Variants in TXLNA observed in about 807,000 individuals in gnomAD.
TXLNA encodes the protein alpha-taxilin.
A neutral mutation model predicts 61.4 loss-of-function variants in TXLNA; 9 were observed. That is an observed-to-expected ratio of 0.15 (90% CI 0.09 to 0.26). TXLNA has a LOEUF of 0.26. Among genes scored for constraint, TXLNA ranks in the 10% least tolerant of loss-of-function variants. TXLNA has a pLI of 1.00. For missense variants in TXLNA, 565 were observed against 688.8 expected (o/e 0.82, Z 2.01); for synonymous variants, 257 against 267.7 (o/e 0.96, Z 0.39).
At chr1:32,193,435 C>G in intron 9 of TXLNA, 135 bp downstream of exon 9, 1 of 680,264 alleles carries the variant, frequency 1.5e-6, no homozygotes, top group Non-Finnish European at 2.7e-6. Flanking sequence ...CAGCCTTTCC[C>G]CTCTTGAGGC....
At chr1:32,186,032 A>T (rs1421825512) in intron 4 of TXLNA, among the ~76,000 whole-genome samples, 1 of 152,192 alleles carries the variant, frequency 6.6e-6, no homozygotes, top group Non-Finnish European at 1.5e-5. Context: ...TTCATTCCAC[A>T]CACATTTATT....
intron 4 of TXLNA, among the ~76,000 whole-genome samples, chr1:32,187,379 A>T (rs1002422914): frequency 6.6e-6 from 1 of 152,148 alleles, no homozygotes; most frequent in Non-Finnish European, 1.5e-5. Context: ...GGATAGGGTC[A>T]TGGGAGGGGA....
Position 32,195,768 on chromosome 1 carries a change from A to T in TXLNA, c.*573A>T, listed in dbSNP as rs1240016787. On this transcript the variant is annotated 3_prime_UTR_variant, in exon 11 of 11. Transcript: ENST00000373610. ...GGGGATTTCCTGCCTGGAACAAGGG[A>T]CCTGGAGAATGTTTTTGCGTGGGAT... 2.2e-6 allele frequency: 1 copy of T among 456,060 alleles called. No homozygotes were observed. Among genetic ancestry groups the T allele is most frequent in the Non-Finnish European group, 4.4e-6 (1 of 226,958 alleles). 28.3% of individuals were successfully genotyped at this position (456,060 alleles called of 1,614,324 possible).
chr1:32,191,780 C>T (rs1210681698), intron 6 of TXLNA, among the ~76,000 whole-genome samples: 1 of 152,226 alleles, frequency 6.6e-6, no homozygotes, highest in African/African-American at 2.4e-5. Context: ...TGAAGTAGCA[C>T]CTGAGTCCTT....
chr1:32,193,348 C>A, intron 9 of TXLNA, 48 bp downstream of exon 9: 1 of 1,454,760 alleles, frequency 6.9e-7, no homozygotes. Flanking sequence ...TAAGCTGCTT[C>A]ATTCAAAATT....
At position 32,192,248 on chromosome 1, in the gene TXLNA, G is replaced by A. The variant is rs1642922302; in HGVS notation, c.964-63G>A. ...GGGCAAAGTGCCCTGGTCTGTGGCT[G>A]TGGGGCTACCCTGAGAAAGGGAGCG... On this transcript the variant is annotated intron_variant, in intron 6 of 10. Coordinates refer to ENST00000373610, the MANE Select transcript of TXLNA (RefSeq NM_175852.4). This position sits in a 1 kb window ranked among gnomAD's most constrained non-coding sequence, Gnocchi z 4.2. The A allele has an allele frequency of 3.8e-6, 6 of 1,595,646 alleles. No homozygotes were observed. The highest frequency in any genetic ancestry group is 1.1e-5 in the South Asian group (1 of 89,238).
chr1:32,191,639 G>T (rs944755985), intron 6 of TXLNA, among the ~76,000 whole-genome samples: 2 of 152,138 alleles, frequency 1.3e-5, no homozygotes, highest in Admixed American at 1.3e-4. Flanking sequence ...TGCATTTACA[G>T]CCCTCCCCAG....
At chr1:32,193,373 C>A in intron 9 of TXLNA, 73 bp downstream of exon 9, 2 of 1,156,902 alleles carry the variant, frequency 1.7e-6, no homozygotes, top group Non-Finnish European at 2.6e-6. Flanking sequence ...GGCCTGCCTT[C>A]AGGAAGCTCC....
At chr1:32,190,568 G>A (rs1203144105) in intron 6 of TXLNA, among the ~76,000 whole-genome samples, 3 of 152,166 alleles carry the variant, frequency 2.0e-5, no homozygotes, top group Non-Finnish European at 2.9e-5. Context: ...CCTCAGCAGG[G>A]CCTTGGGGAA....
At chr1:32,180,166 C>T (rs1642621773) in intron 1 of TXLNA, 148 bp from the exon 2 acceptor site, 1 of 803,236 alleles carries the variant, frequency 1.2e-6, no homozygotes, top group Non-Finnish European at 1.9e-6. Flanking sequence ...TCCTGACCCG[C>T]CAAGACCAGA....
At chr1:32,189,478 C>T (rs575172620) in intron 5 of TXLNA, among the ~76,000 whole-genome samples, 31 of 151,746 alleles carry the variant, frequency 2.0e-4, no homozygotes, top group African/African-American at 7.0e-4. Flanking sequence ...TTAGGAGATC[C>T]GACTTGCTTC....
intron 3 of TXLNA, 127 bp from the exon 4 acceptor site, chr1:32,184,398 A>G: frequency 1.5e-6 from 1 of 675,326 alleles, no homozygotes; most frequent in Non-Finnish European, 2.7e-6. Flanking sequence ...CAAGGAAGGC[A>G]GCTAATCAAC....
chr1:32,185,211 C>T (rs1410409706), intron 4 of TXLNA, among the ~76,000 whole-genome samples: 1 of 152,130 alleles, frequency 6.6e-6, no homozygotes, highest in African/African-American at 2.4e-5. Context: ...ACTTCATGTT[C>T]CATCACAATA....
chr1:32,189,447 T>C (rs1642857913), intron 5 of TXLNA, among the ~76,000 whole-genome samples: 1 of 152,136 alleles, frequency 6.6e-6, no homozygotes. Flanking sequence ...CACATTAATC[T>C]GAAATCTGGA....
chr1:32,187,211 TA>T (rs1364632531), intron 4 of TXLNA, among the ~76,000 whole-genome samples: 2 of 152,270 alleles, frequency 1.3e-5, no homozygotes, highest in East Asian at 3.8e-4. Flanking sequence ...CTCACTTTTT[TA>T]CATTGATTCC....
intron 4 of TXLNA, 133 bp from the exon 5 acceptor site, chr1:32,187,821 A>T (rs1642819125): frequency 1.1e-6 from 1 of 908,278 alleles, no homozygotes; most frequent in Admixed American, 2.9e-5. Flanking sequence ...GCACAGCATC[A>T]GCCCATGAGA....
chr1:32,181,455 T>C lies in TXLNA; in HGVS notation c.383T>C (p.Val128Ala). 1 of 1,613,730 alleles carries C rather than the reference T, an allele frequency of 6.2e-7. No homozygotes were observed. The highest frequency in any genetic ancestry group is 8.5e-7 in the Non-Finnish European group (1 of 1,179,938). ...AATGGGGAGCCTGAACCAACTCCAGTAGTCAATGGAGAGAAGGAACCCTCC... is the reference window on the plus strand; with the variant it reads ...AATGGGGAGCCTGAACCAACTCCAGCAGTCAATGGAGAGAAGGAACCCTCC... The part of the protein sequence containing the change: ...ARNGEPEPTP[V>A]VNGEKEPSKG... The change falls in exon 3 of 11, where the codon GTA becomes GCA. Residue 128 changes from valine to alanine, a missense_variant. Around this residue, in one of 2 missense-constraint regions of TXLNA, gnomAD observed 192 missense variants for 184.8 expected, o/e 1.04. Coordinates refer to ENST00000373610, the MANE Select transcript of TXLNA (RefSeq NM_175852.4).
chr1:32,193,983 A>T, intron 9 of TXLNA, 82 bp from the exon 10 acceptor site: 1 of 1,121,642 alleles, frequency 8.9e-7, no homozygotes, highest in Non-Finnish European at 1.3e-6. Context: ...CCTTGGAGAC[A>T]CAGGTGCAGT....
rs35693792 is a variant in TXLNA at position 32,182,098 on chromosome 1, C to CTTTTTTTTT, written c.505+536_505+544dup. Among the ~76,000 whole-genome samples, 99 of 101,690 alleles carry CTTTTTTTTT rather than the reference C, an allele frequency of 9.7e-4. 2 individuals carry two copies. The highest frequency in any genetic ancestry group is 3.6e-3 in the African/African-American group (95 of 26,454). 66.7% of individuals were successfully genotyped at this position (101,690 alleles called of 152,430 possible). Reference sequence around the variant, plus strand: ...AAACTACAGGCTGGGTGCAGTCAGGCTTTTTTTTTTTTTTTTTTTTTTTAA... The same window carrying CTTTTTTTTT: ...AAACTACAGGCTGGGTGCAGTCAGGCTTTTTTTTTTTTTTTTTTTTTTTTTTTTTTTTAA... On this transcript the variant is annotated intron_variant, in intron 3 of 10. Coordinates refer to ENST00000373610, the MANE Select transcript of TXLNA (RefSeq NM_175852.4).
Sources: gnomAD v4.1 joint callset for allele counts (sites outside exome capture counted in the v4.1 genomes callset) on GRCh38, gnomAD v4.1.1 for gene constraint, gnomAD v4.1.1 regional missense constraint, Gnocchi (gnomAD v3.1) non-coding constraint, MANE v1.5 for transcripts, NCBI Gene and HGNC (gene_info 2026-07-23, HGNC 2026-07-21) for gene names.